The following LHFPL3 variants were observed in gnomAD, a reference collection of about 807,000 sequenced individuals.
The protein encoded by LHFPL3 is LHFPL tetraspan subfamily member 3 protein.
A neutral mutation model predicts 19.3 loss-of-function variants in LHFPL3; 5 were observed. The ratio of observed to expected loss-of-function variants is 0.26; its 90% CI spans 0.14 to 0.54. The LOEUF (loss-of-function observed/expected upper bound fraction) is 0.54, where lower values mean the gene tolerates loss of function less well. LHFPL3 is among the 20% of genes least tolerant of loss of function. The probability of loss-of-function intolerance (pLI) is 0.94; values close to 1 mark genes in which losing one functional copy is unlikely to be tolerated. For missense variants in LHFPL3, 249 were observed against 307.4 expected (o/e 0.81, Z 1.42); for synonymous variants, 133 against 126.2 (o/e 1.05, Z -0.36).
At chr7:104,538,421 A>G (rs971145182) in intron 1 of LHFPL3, among the ~76,000 whole-genome samples, 1 of 152,348 alleles carries the variant, frequency 6.6e-6, no homozygotes, top group African/African-American at 2.4e-5. Flanking sequence ...TTATGGGGCC[A>G]TGAATGCTTG....
chr7:104,639,132 A>G (rs922966783), intron 1 of LHFPL3, among the ~76,000 whole-genome samples: 2 of 152,136 alleles, frequency 1.3e-5, no homozygotes, highest in Non-Finnish European at 2.9e-5. Flanking sequence ...TCAATATTTC[A>G]GTATGAATGG....
At chr7:104,577,379 T>G (rs992357841) in intron 1 of LHFPL3, among the ~76,000 whole-genome samples, 4 of 152,096 alleles carry the variant, frequency 2.6e-5, no homozygotes, top group African/African-American at 9.7e-5. Context: ...TCTGAAAGAA[T>G]AAGTAAGCAC....
intron 1 of LHFPL3, among the ~76,000 whole-genome samples, chr7:104,430,437 TATATATATATATATATA>T (rs1310510599): frequency 5.9e-5 from 1 of 16,878 alleles, no homozygotes; most frequent in Non-Finnish European, 1.0e-4. Context: ...TATATATATA[TATATATATATATATATA>T]TTTTTTTTTT....
intron 1 of LHFPL3, among the ~76,000 whole-genome samples, chr7:104,396,274 A>C (rs1791182243): frequency 6.6e-6 from 1 of 152,324 alleles, no homozygotes; most frequent in African/African-American, 2.4e-5. Context: ...AATGGTTGCT[A>C]AAGACTCGCT....
chr7:104,489,804 T>C (rs927115587), intron 1 of LHFPL3, among the ~76,000 whole-genome samples: 2 of 152,166 alleles, frequency 1.3e-5, no homozygotes, highest in Non-Finnish European at 2.9e-5. Flanking sequence ...TTCTGATTCA[T>C]TGGAATAATT....
chr7:104,606,700 G>T (rs1487244511), intron 1 of LHFPL3, among the ~76,000 whole-genome samples: 1 of 152,142 alleles, frequency 6.6e-6, no homozygotes, highest in Admixed American at 6.5e-5. Flanking sequence ...TAACTAATGT[G>T]AGATCGGTCC....
chr7:104,777,156 C>T (rs536751178), intron 2 of LHFPL3, among the ~76,000 whole-genome samples: 1 of 152,282 alleles, frequency 6.6e-6, no homozygotes, highest in Admixed American at 6.5e-5. Context: ...AATATGTGGC[C>T]TTGGGAGAAA....
At chr7:104,417,875 C>A (rs1462115654) in intron 1 of LHFPL3, among the ~76,000 whole-genome samples, 1 of 123,532 alleles carries the variant, frequency 8.1e-6, no homozygotes. Context: ...TCTTCTTCTT[C>A]TTCTTCTTCT....
intron 2 of LHFPL3, among the ~76,000 whole-genome samples, chr7:104,782,073 C>T (rs1214266493): frequency 6.6e-6 from 1 of 152,196 alleles, no homozygotes; most frequent in Non-Finnish European, 1.5e-5. Context: ...CAGGGCAATT[C>T]TTCAGCTCCA....
At chr7:104,502,879 A>G (rs538478668) in intron 1 of LHFPL3, among the ~76,000 whole-genome samples, 2 of 152,344 alleles carry the variant, frequency 1.3e-5, no homozygotes, top group African/African-American at 4.8e-5. Context: ...TAGCTTATAA[A>G]ATGATAAGAC....
At chr7:104,810,964 A>G (rs1350427744) in intron 2 of LHFPL3, among the ~76,000 whole-genome samples, 1 of 152,192 alleles carries the variant, frequency 6.6e-6, no homozygotes, top group Non-Finnish European at 1.5e-5. Context: ...GCAGCTCAGG[A>G]TTAATGCTCT....
intron 2 of LHFPL3, among the ~76,000 whole-genome samples, chr7:104,745,020 C>A (rs1017051506): frequency 7.2e-5 from 11 of 152,140 alleles, no homozygotes; most frequent in Non-Finnish European, 1.6e-4. Context: ...TCTCTATACC[C>A]AACAGCTTAC....
chr7:104,667,412 C>T (rs1451496273), intron 1 of LHFPL3, among the ~76,000 whole-genome samples: 4 of 152,176 alleles, frequency 2.6e-5, no homozygotes, highest in African/African-American at 9.7e-5. Context: ...TGGGCCATTG[C>T]TGTTACTTCG....
intron 1 of LHFPL3, among the ~76,000 whole-genome samples, chr7:104,613,887 G>A (rs1441445714): frequency 6.6e-6 from 1 of 152,166 alleles, no homozygotes; most frequent in Non-Finnish European, 1.5e-5. Context: ...ACTACTAGAG[G>A]ACATTAGTGG....
intron 2 of LHFPL3, among the ~76,000 whole-genome samples, chr7:104,779,524 C>A (rs531082138): frequency 6.6e-6 from 1 of 152,066 alleles, no homozygotes; most frequent in Admixed American, 6.5e-5. Flanking sequence ...CTGGAGTGGT[C>A]AAGTCTGTGG....
Position 104,736,764 on chromosome 7 carries a change from T to C in LHFPL3, c.535T>C (p.Tyr179His). ...KRMCGEKTDKYTLGACSVRWA... is the reference protein window; with the variant it reads ...KRMCGEKTDKHTLGACSVRWA... ...GATGTGTGGAGAAAAGACAGACAAGTACACTCTTGGGGCTTGCTCAGTCCG... is the reference window on the plus strand; with the variant it reads ...GATGTGTGGAGAAAAGACAGACAAGCACACTCTTGGGGCTTGCTCAGTCCG... Residue 179 changes from tyrosine (Y) to histidine (H), a missense_variant, in exon 2 of 3, where the codon TAC becomes CAC. Tyr to His is a moderately conservative substitution (Grantham distance 83). Transcript: ENST00000424859. The C allele has an allele frequency of 1.2e-6, 2 of 1,613,760 alleles. No individual in the cohort carries two copies.
At chr7:104,348,041 G>T in intron 1 of LHFPL3, among the ~76,000 whole-genome samples, 1 of 151,224 alleles carries the variant, frequency 6.6e-6, no homozygotes, top group East Asian at 1.9e-4. Context: ...TTCCCACAGA[G>T]TCAGTGCAAT....
intron 1 of LHFPL3, among the ~76,000 whole-genome samples, chr7:104,595,859 C>G (rs1191683715): frequency 2.0e-5 from 3 of 152,264 alleles, no homozygotes; most frequent in Non-Finnish European, 4.4e-5. Flanking sequence ...GGCATGGGCA[C>G]TGCTGAGCCA....
At chr7:104,591,172 A>G (rs560865840) in intron 1 of LHFPL3, among the ~76,000 whole-genome samples, 41 of 152,210 alleles carry the variant, frequency 2.7e-4, no homozygotes, top group African/African-American at 8.9e-4. Flanking sequence ...TTAGCTGGTT[A>G]TTTTGCTCGT....
Sources: gnomAD v4.1 joint callset for allele counts (sites outside exome capture counted in the v4.1 genomes callset) on GRCh38, gnomAD v4.1.1 for gene constraint, MANE v1.5 for transcripts, NCBI Gene and HGNC (gene_info 2026-07-23, HGNC 2026-07-21) for gene names.